The following SPACA1 variants were observed in gnomAD, a reference collection of about 807,000 sequenced individuals.
SPACA1 encodes sperm acrosome membrane-associated protein 1.
SPACA1 carries 17 observed loss-of-function variants against 32.6 expected under a neutral mutation model. The observed-to-expected ratio is 0.52, with a 90% confidence interval of 0.36 to 0.78. The LOEUF is 0.78. Among genes scored for constraint, SPACA1 ranks in the 30% least tolerant of loss-of-function variants. SPACA1 has a pLI of 0.01. For synonymous variants in SPACA1, 140 were observed against 138.1 expected (o/e 1.01, Z -0.10); for missense variants, 363 against 373.4 (o/e 0.97, Z 0.23).
At chr6:88,066,103 A>G in intron 6 of SPACA1, 79 bp from the exon 7 acceptor site, 1 of 1,164,060 alleles carries the variant, frequency 8.6e-7, no homozygotes, top group Non-Finnish European at 1.2e-6. Context: ...ATATATTTCT[A>G]TACATAGAAA....
intron 2 of SPACA1, among the ~76,000 whole-genome samples, chr6:88,054,507 G>T (rs192723420): frequency 2.0e-5 from 3 of 152,230 alleles, no homozygotes; most frequent in Admixed American, 6.5e-5. Flanking sequence ...GGTAGAAATT[G>T]GACATAAAAT....
At chr6:88,064,320 A>G (rs1290249120) in intron 6 of SPACA1, 101 bp downstream of exon 6, 8 of 1,252,764 alleles carry the variant, frequency 6.4e-6, no homozygotes, top group African/African-American at 1.5e-5. Flanking sequence ...TGTCTCCTAC[A>G]TGTTGCCTTG....
chr6:88,054,650 T>C (rs920952786), intron 2 of SPACA1, among the ~76,000 whole-genome samples: 3 of 152,088 alleles, frequency 2.0e-5, no homozygotes, highest in African/African-American at 7.2e-5. Context: ...CTAAATAGAA[T>C]CTGCCTTGGA....
At position 88,059,343 on chromosome 6, in the gene SPACA1, A is replaced by C. The variant is rs182039740; in HGVS notation, c.475-110A>C. The C allele has an allele frequency of 4.9e-4, 468 of 959,354 alleles. No homozygotes were observed. In the African/African-American group the frequency reaches 7.3e-3, roughly 15 times the overall value. The allele number at this position is 959,354 out of a possible 1,614,324, so 59.4% of individuals were successfully genotyped here. On this transcript the variant is annotated intron_variant, in intron 4 of 6. Coordinates refer to ENST00000237201, the MANE Select transcript of SPACA1 (RefSeq NM_030960.3). ...ATCCATGTAGATCATTAATTACTCA[A>C]CTAGGCTAAGAGAGACAGTAACCCT...
intron 2 of SPACA1, among the ~76,000 whole-genome samples, chr6:88,057,202 A>G (rs2127800051): frequency 6.6e-6 from 1 of 152,328 alleles, no homozygotes; most frequent in African/African-American, 2.4e-5. Flanking sequence ...TTGTAAATGT[A>G]TTCTGATTTT....
chr6:88,053,926 TCTTTACC>T lies in SPACA1; in HGVS notation c.209-14_209-8del. ...AGTTTTCATATAATTAAATAATGTA[TCTTTACC>T]CTTTATGTTTAGTTTCAAATAGGAA... On this transcript the variant is annotated splice_polypyrimidine_tract_variant and intron_variant, in intron 1 of 6. Coordinates refer to ENST00000237201, the MANE Select transcript of SPACA1 (RefSeq NM_030960.3). The T allele has an allele frequency of 1.2e-6, 2 of 1,607,966 alleles. No individual in the cohort carries two copies. The highest frequency in any genetic ancestry group is 1.7e-6 in the Non-Finnish European group (2 of 1,175,156).
At position 88,066,302 on chromosome 6, in the gene SPACA1, T is replaced by C. The variant is rs1444430402; in HGVS notation, c.852T>C (p.Gly284=). The C allele has an allele frequency of 6.8e-6, 11 of 1,612,010 alleles. No homozygotes were observed. The highest frequency in any genetic ancestry group is 9.3e-6 in the Non-Finnish European group (11 of 1,178,744). The part of the protein sequence containing the change: ...SLDQLPTEMP[G]EDDALSEWNE ...ACCAATTACCAACAGAAATGCCTGG[T>C]GAAGATGATGCTTTAAGTGAATGGA... The change falls in exon 7 of 7, where the codon GGT becomes GGC. Residue 284 remains glycine, a synonymous_variant. Coordinates refer to ENST00000237201, the MANE Select transcript of SPACA1 (RefSeq NM_030960.3).
intron 2 of SPACA1, among the ~76,000 whole-genome samples, chr6:88,057,311 T>C (rs1775824220): frequency 6.6e-6 from 1 of 152,230 alleles, no homozygotes; most frequent in African/African-American, 2.4e-5. Context: ...AATTCCGTAG[T>C]AAAGCGGTCC....
intron 6 of SPACA1, 121 bp downstream of exon 6, chr6:88,064,340 A>G (rs1283491429): frequency 1.0e-6 from 1 of 965,300 alleles, no homozygotes; most frequent in East Asian, 2.8e-5. Context: ...GAAACTGTCC[A>G]TCGCCTTTCA....
chr6:88,048,974 C>T (rs1366894844), intron 1 of SPACA1, among the ~76,000 whole-genome samples: 2 of 152,094 alleles, frequency 1.3e-5, no homozygotes, highest in East Asian at 3.9e-4. Flanking sequence ...TCTCATATCT[C>T]TTCAGTCTAT....
At chr6:88,047,681 G>C, upstream of SPACA1, 1 of 515,558 alleles carries the variant, frequency 1.9e-6, no homozygotes, top group East Asian at 3.2e-5. Context: ...TGTCGCACGC[G>C]GCTTCTCGTC....
rs1248288570 is a variant in SPACA1 at position 88,047,975 on chromosome 6, C to T, written c.70C>T (p.Leu24Phe). The change falls in exon 1 of 7, where the codon CTC becomes TTC. Residue 24 changes from leucine to phenylalanine, a missense_variant. Coordinates refer to ENST00000237201, the MANE Select transcript of SPACA1 (RefSeq NM_030960.3). ...MTVGWLLLAGLQSARGTNVTA... is the reference protein window; with the variant it reads ...MTVGWLLLAGFQSARGTNVTA... ...TGTCGGCTGGCTGCTTCTGGCGGGCCTCCAGTCCGCGCGCGGGACCAACGT... is the reference window on the plus strand; with the variant it reads ...TGTCGGCTGGCTGCTTCTGGCGGGCTTCCAGTCCGCGCGCGGGACCAACGT... 12 of 1,566,060 alleles carry T rather than the reference C, an allele frequency of 7.7e-6. No individual in the cohort carries two copies. The highest frequency in any genetic ancestry group is 2.7e-5 in the African/African-American group (2 of 74,020).
chr6:88,054,741 G>A (rs1042245556), intron 2 of SPACA1, among the ~76,000 whole-genome samples: 1 of 152,170 alleles, frequency 6.6e-6, no homozygotes, highest in Non-Finnish European at 1.5e-5. Flanking sequence ...AGATCAGAAT[G>A]AATTTTGCAG....
At position 88,066,303 on chromosome 6, in the gene SPACA1, G is replaced by A. The variant is rs537695935; in HGVS notation, c.853G>A (p.Glu285Lys). The part of the protein sequence containing the change: ...LDQLPTEMPG[E>K]DDALSEWNE ...CCAATTACCAACAGAAATGCCTGGT[G>A]AAGATGATGCTTTAAGTGAATGGAA... Residue 285 changes from glutamate (E) to lysine (K), a missense_variant, in exon 7 of 7, where the codon GAA becomes AAA. By Grantham distance (56) the Glu-to-Lys change is moderately conservative (BLOSUM62 1). Coordinates refer to ENST00000237201, the MANE Select transcript of SPACA1 (RefSeq NM_030960.3). 1.2e-6 allele frequency: 2 copies of A among 1,612,074 alleles called. No individual in the cohort carries two copies. Among genetic ancestry groups the A allele is most frequent in the Admixed American group, 1.7e-5 (1 of 59,942 alleles).
intron 5 of SPACA1, among the ~76,000 whole-genome samples, chr6:88,063,395 A>G (rs1775925891): frequency 6.6e-6 from 1 of 152,192 alleles, no homozygotes. Flanking sequence ...ATATAACAGT[A>G]TGGGTGAATT....
chr6:88,065,256 A>C (rs114457811), intron 6 of SPACA1, among the ~76,000 whole-genome samples: 1,881 of 148,726 alleles, frequency 0.013, 44 homozygotes, highest in African/African-American at 0.041. Context: ...TGTAATATAT[A>C]TGTATCACAG....
At position 88,058,704 on chromosome 6, in the gene SPACA1, A is replaced by AT. The variant is rs750704455; in HGVS notation, c.368-4dup. On this transcript the variant is annotated splice_polypyrimidine_tract_variant and intron_variant, in intron 3 of 6. Coordinates refer to ENST00000237201, the MANE Select transcript of SPACA1 (RefSeq NM_030960.3). ...ATGCCCAATGGTATTTATGTGCTTA[A>AT]TTTTTTTTCAGGGGGTAAACCAATT... 19 of 1,590,902 alleles carry AT rather than the reference A, an allele frequency of 1.2e-5. No homozygotes were observed. The highest frequency in any genetic ancestry group is 1.3e-5 in the African/African-American group (1 of 74,274).
intron 1 of SPACA1, among the ~76,000 whole-genome samples, chr6:88,051,130 G>C (rs1314054067): frequency 6.6e-6 from 1 of 151,356 alleles, no homozygotes; most frequent in East Asian, 1.9e-4. Context: ...CTGGGCAACA[G>C]AGCGAGACTC....
chr6:88,065,405 A>G (rs929083693), intron 6 of SPACA1, among the ~76,000 whole-genome samples: 6 of 147,466 alleles, frequency 4.1e-5, no homozygotes, highest in African/African-American at 2.5e-5. Flanking sequence ...ACCTGTATAC[A>G]GTATATATAC....
Sources: allele counts gnomAD v4.1 joint callset (sites outside exome capture counted in the v4.1 genomes callset), GRCh38; gene constraint gnomAD v4.1.1; transcripts MANE v1.5; gene names NCBI Gene and HGNC (gene_info 2026-07-23, HGNC 2026-07-21).